Variants in KREMEN1 observed in about 807,000 individuals in gnomAD.
KREMEN1 encodes kremen protein 1.
A neutral mutation model predicts 46.5 loss-of-function variants in KREMEN1; 30 were observed. That is an observed-to-expected ratio of 0.65 (90% CI 0.48 to 0.88). KREMEN1 has a LOEUF of 0.88. Among genes scored for constraint, KREMEN1 ranks in the 40% least tolerant of loss-of-function variants. The pLI is 0.00. For missense variants in KREMEN1, 533 were observed against 596.9 expected, an observed-to-expected ratio of 0.89 and a Z score of 1.11; for synonymous variants, 214 against 230.6, an observed-to-expected ratio of 0.93 and a Z score of 0.65.
At chr22:29,152,288 G>A (rs1412266553) in intron 9 of KREMEN1, among the ~76,000 whole-genome samples, 1 of 152,160 alleles carries the variant, frequency 6.6e-6, no homozygotes, top group Non-Finnish European at 1.5e-5. Context: ...GCGGCTCCAA[G>A]GACAGAGTCT....
intron 3 of KREMEN1, among the ~76,000 whole-genome samples, chr22:29,120,004 A>G (rs1487486686): frequency 4.7e-4 from 66 of 139,876 alleles, no homozygotes; most frequent in African/African-American, 2.0e-3. Flanking sequence ...AGAGGGAGGA[A>G]GAAGAGGTGA....
intron 2 of KREMEN1, among the ~76,000 whole-genome samples, chr22:29,095,640 G>A (rs16987052): frequency 0.055 from 8,329 of 152,160 alleles, 279 homozygotes; most frequent in East Asian, 0.12. Flanking sequence ...CACTGTTGAC[G>A]CAGCTGAGCC....
chr22:29,149,463 T>C (rs1459743613), downstream of KREMEN1, among the ~76,000 whole-genome samples: 2 of 152,142 alleles, frequency 1.3e-5, no homozygotes, highest in African/African-American at 2.4e-5. Context: ...GTCCGACCCA[T>C]GATGGCCCCT....
intron 1 of KREMEN1, among the ~76,000 whole-genome samples, chr22:29,079,742 C>T (rs535922551): frequency 3.9e-5 from 6 of 152,340 alleles, no homozygotes; most frequent in African/African-American, 1.2e-4. Flanking sequence ...ATTGACTCTG[C>T]GTGGTTTCTT....
At chr22:29,164,586 A>G (rs2039037603) in intron 9 of KREMEN1, among the ~76,000 whole-genome samples, 1 of 151,720 alleles carries the variant, frequency 6.6e-6, no homozygotes, top group Non-Finnish European at 1.5e-5. Flanking sequence ...TCTCTACTAA[A>G]AATACAAAAA....
intron 1 of KREMEN1, among the ~76,000 whole-genome samples, chr22:29,080,876 A>G (rs1376080823): frequency 1.3e-5 from 2 of 150,788 alleles, no homozygotes; most frequent in African/African-American, 2.4e-5. Flanking sequence ...AAAGAGTTAT[A>G]CAGCCCAAAA....
chr22:29,110,480 A>G (rs2145791880), intron 3 of KREMEN1, among the ~76,000 whole-genome samples: 1 of 152,284 alleles, frequency 6.6e-6, no homozygotes, highest in Non-Finnish European at 1.5e-5. Flanking sequence ...TTGACTCTTT[A>G]TCACATTAAC....
chr22:29,152,838 A>T (rs2038926713), intron 9 of KREMEN1, among the ~76,000 whole-genome samples: 1 of 152,236 alleles, frequency 6.6e-6, no homozygotes, highest in Non-Finnish European at 1.5e-5. Flanking sequence ...TTGAAGCAGG[A>T]AGGAACTCAA....
At chr22:29,167,247 G>A (rs1207657503) in exon 10 of KREMEN1, 13 of 678,648 alleles carry the variant, frequency 1.9e-5, no homozygotes, top group Non-Finnish European at 2.6e-5. Context: ...TAATACCAGC[G>A]TTTTGGGAGG....
rs2037964384 is a variant in KREMEN1, at chr22:29,100,842, T to G, written c.352+1889T>G. On this transcript the variant is annotated intron_variant, in intron 3 of 8. Transcript: ENST00000400335. ...TGGAAGACAGTGATATTGATGATCC[T>G]GACCTTGTGTGGCCTAGGTTATTGT... Among the ~76,000 whole-genome samples, 8 of 152,362 alleles carry G rather than the reference T, an allele frequency of 5.3e-5. 1 individual carries two copies. In the South Asian group the frequency reaches 1.7e-3, roughly 32 times the overall value.
At chr22:29,158,254 T>C (rs1316128416) in intron 9 of KREMEN1, among the ~76,000 whole-genome samples, 4 of 152,026 alleles carry the variant, frequency 2.6e-5, no homozygotes, top group Non-Finnish European at 5.9e-5. Flanking sequence ...GCCATGGCAG[T>C]AGAGGGACAA....
chr22:29,136,781 C>A (rs9625719), intron 5 of KREMEN1, among the ~76,000 whole-genome samples: 3,756 of 152,246 alleles, frequency 0.025, 154 homozygotes, highest in African/African-American at 0.086. Context: ...TGCAGAAAGT[C>A]ATTTCTTGTG....
At chr22:29,120,111 T>C (rs55696406) in intron 3 of KREMEN1, among the ~76,000 whole-genome samples, 36 of 4,958 alleles carry the variant, frequency 7.3e-3, no homozygotes, top group East Asian at 0.012. Flanking sequence ...ATGAAGGAAA[T>C]GGAGGAGGGA....
At chr22:29,110,839 G>A (rs559388351) in intron 3 of KREMEN1, among the ~76,000 whole-genome samples, 1 of 152,294 alleles carries the variant, frequency 6.6e-6, no homozygotes, top group African/African-American at 2.4e-5. Context: ...AGCACAGGGT[G>A]CAGTGAGCTT....
intron 1 of KREMEN1, among the ~76,000 whole-genome samples, chr22:29,088,323 A>G (rs1286785429): frequency 1.6e-5 from 2 of 127,410 alleles, no homozygotes; most frequent in Non-Finnish European, 3.6e-5. Flanking sequence ...ACACACACAC[A>G]CACACACGCA....
At chr22:29,109,891 A>C (rs1338968847) in intron 3 of KREMEN1, among the ~76,000 whole-genome samples, 1 of 152,200 alleles carries the variant, frequency 6.6e-6, no homozygotes, top group African/African-American at 2.4e-5. Flanking sequence ...GGAATATGTA[A>C]GGGATAAAAC....
chr22:29,078,969 G>GT (rs1438817107), intron 1 of KREMEN1, among the ~76,000 whole-genome samples: 2 of 152,286 alleles, frequency 1.3e-5, no homozygotes, highest in East Asian at 3.9e-4. Flanking sequence ...GCTGGAACCC[G>GT]TAAGTATTAG....
chr22:29,138,896 G>A, intron 7 of KREMEN1, 114 bp downstream of exon 7: 1 of 1,451,284 alleles, frequency 6.9e-7, no homozygotes, highest in Non-Finnish European at 9.6e-7. Flanking sequence ...GAGGCAGGTT[G>A]GGATACTGGC....
At chr22:29,078,259 A>AAAACAAAC (rs770983336) in intron 1 of KREMEN1, among the ~76,000 whole-genome samples, 1 of 152,138 alleles carries the variant, frequency 6.6e-6, no homozygotes, top group African/African-American at 2.4e-5. Context: ...CCCTGTCTCA[A>AAAACAAAC]AAACAAACAA....
Sources: allele counts gnomAD v4.1 joint callset (sites outside exome capture counted in the v4.1 genomes callset), GRCh38; gene constraint gnomAD v4.1.1; transcripts MANE v1.5; gene names NCBI Gene and HGNC (gene_info 2026-07-23, HGNC 2026-07-21).